SNF8: variants seen among roughly 807,000 people sequenced by gnomAD.
SNF8 encodes the protein SNF8 subunit of ESCRT-II.
In SNF8, 19 loss-of-function variants were observed where a neutral mutation model predicts 36.8. That is an observed-to-expected ratio of 0.52 (90% CI 0.36 to 0.76). The LOEUF (loss-of-function observed/expected upper bound fraction) is 0.76, where lower values mean the gene tolerates loss of function less well. SNF8 is among the 30% of genes least tolerant of loss of function. The pLI, the probability that SNF8 is intolerant of heterozygous loss-of-function variation, is 0.00. For synonymous variants in SNF8, 127 were observed against 127.4 expected (o/e 1.00, Z 0.02); for missense variants, 268 against 322.9 (o/e 0.83, Z 1.30).
intron 7 of SNF8, among the ~76,000 whole-genome samples, 179 bp from the exon 8 acceptor site, chr17:48,930,791 A>C (rs2040847553): frequency 6.6e-6 from 1 of 152,238 alleles, no homozygotes; most frequent in Admixed American, 6.5e-5. Context: ...CCTTTGCCTG[A>C]ATTTGAAAAA....
chr17:48,937,369 T>C (rs2040950496), intron 3 of SNF8: 10 of 601,606 alleles, frequency 1.7e-5, no homozygotes, highest in South Asian at 1.4e-4. Flanking sequence ...GGCTCACGCC[T>C]GTAATTCCAA....
At position 48,933,297 on chromosome 17, in the gene SNF8, A is replaced by G; in HGVS notation, c.472T>C (p.Phe158Leu). 1 of 1,614,220 alleles carries G rather than the reference A, an allele frequency of 6.2e-7. No individual in the cohort carries two copies. ...GTGCCGCCCACAGGGATGATGCCGA[A>G]GCCAGTGCCAAGTGCCTTTAGTTTC... ...IKKLKALGTGFGIIPVGGTYL... is the reference protein window; with the variant it reads ...IKKLKALGTGLGIIPVGGTYL... Residue 158 changes from phenylalanine to leucine, a missense_variant, in exon 6 of 8, where the codon TTC becomes CTC. Coordinates refer to ENST00000502492, the MANE Select transcript of SNF8 (RefSeq NM_007241.4).
intron 3 of SNF8, among the ~76,000 whole-genome samples, chr17:48,937,727 A>G (rs1207585656): frequency 6.6e-6 from 1 of 151,832 alleles, no homozygotes; most frequent in Non-Finnish European, 1.5e-5. Flanking sequence ...AGAGATAGAG[A>G]CCATCCTGGC....
At chr17:48,935,189 C>G (rs55917610) in intron 5 of SNF8, among the ~76,000 whole-genome samples, 84,510 of 151,702 alleles carry the variant, frequency 0.56, 25,488 homozygotes, top group East Asian at 0.79. Context: ...TGGCCAACAA[C>G]GTGAAACCCC....
chr17:48,933,389 G>C (rs761048994), intron 5 of SNF8, 43 bp from the exon 6 acceptor site: 1 of 1,611,216 alleles, frequency 6.2e-7, no homozygotes, highest in Non-Finnish European at 8.5e-7. Flanking sequence ...GGCAGAATCA[G>C]ACCTAACAAC....
At position 48,933,134 on chromosome 17, in the gene SNF8, C is replaced by T. The variant is rs563889094; in HGVS notation, c.564+71G>A. On this transcript the variant is annotated intron_variant, in intron 6 of 7. Transcript: ENST00000502492. ...AGACCTGCATAATGGGGAGCACGAG[C>T]TGAGAACTGCTCCAGACTTGCCTCA... The T allele has an allele frequency of 3.8e-5, 60 of 1,563,752 alleles. No homozygotes were observed. The African/African-American group carries it at 7.3e-4, about 19-fold the overall frequency.
intron 3 of SNF8, among the ~76,000 whole-genome samples, chr17:48,937,688 G>A (rs911965302): frequency 6.6e-6 from 1 of 151,618 alleles, no homozygotes; most frequent in Non-Finnish European, 1.5e-5. Flanking sequence ...AGCACTTTGG[G>A]AAGCCAAAGC....
At chr17:48,939,434 T>G (rs2040987439) in intron 3 of SNF8, among the ~76,000 whole-genome samples, 1 of 147,682 alleles carries the variant, frequency 6.8e-6, no homozygotes, top group Non-Finnish European at 1.5e-5. Context: ...ACCTCAATGC[T>G]AAAAAATAAT....
At chr17:48,937,943 A>AAAAT (rs59280369) in intron 3 of SNF8, among the ~76,000 whole-genome samples, 105,182 of 149,842 alleles carry the variant, frequency 0.7, 37,201 homozygotes, top group East Asian at 0.84. Context: ...TAAATAAATA[A>AAAAT]AAATAAATAA....
In SNF8 at chr17:48,940,797, C is replaced by G. The variant is rs185800723; in HGVS notation, c.244+127G>C. 540 of 1,114,674 alleles carry G rather than the reference C, an allele frequency of 4.8e-4. 1 individual carries two copies. Among genetic ancestry groups the G allele is most frequent in the Non-Finnish European group, 4.6e-4 (362 of 780,010 alleles). 69.0% of individuals were successfully genotyped at this position (1,114,674 alleles called of 1,614,324 possible). A position where few individuals can be genotyped will look rare whatever the true frequency, so the allele number is the denominator to read the frequency against. ...AGAGCAAAACTCCGTCTCAAAAAGACAGCATCCTCTGGGTCTTCCTGCAGG... is the reference window on the plus strand; with the variant it reads ...AGAGCAAAACTCCGTCTCAAAAAGAGAGCATCCTCTGGGTCTTCCTGCAGG... On this transcript the variant is annotated intron_variant, in intron 3 of 7. Transcript: ENST00000502492.
chr17:48,941,512 C>T (rs150636018), intron 2 of SNF8, among the ~76,000 whole-genome samples: 8 of 152,018 alleles, frequency 5.3e-5, no homozygotes, highest in South Asian at 2.1e-4. Flanking sequence ...CTTTACCCCC[C>T]CCAGCCGACA....
chr17:48,939,833 G>C (rs1473073706), intron 3 of SNF8, among the ~76,000 whole-genome samples: 1 of 151,772 alleles, frequency 6.6e-6, no homozygotes, highest in Non-Finnish European at 1.5e-5. Context: ...CCAGCACTCT[G>C]GAAGGCCAAG....
At chr17:48,944,446 T>C (rs1469690504) in intron 1 of SNF8, among the ~76,000 whole-genome samples, 4 of 152,236 alleles carry the variant, frequency 2.6e-5, no homozygotes, top group African/African-American at 9.6e-5. Context: ...AATCGACGAC[T>C]GTAGATTTGT....
chr17:48,931,550 G>C (rs983179488), intron 7 of SNF8, 93 bp downstream of exon 7: 4 of 1,043,406 alleles, frequency 3.8e-6, no homozygotes, highest in Non-Finnish European at 5.7e-6. Context: ...CAGAAGGCCA[G>C]CAAAGCAATG....
chr17:48,944,642 G>A (rs750698784), intron 1 of SNF8, 39 bp downstream of exon 1: 17 of 1,603,608 alleles, frequency 1.1e-5, no homozygotes, highest in Admixed American at 1.7e-5. Flanking sequence ...TCTCGCACGG[G>A]TCAGGGGCAG....
chr17:48,939,521 G>A (rs1462337848), intron 3 of SNF8, among the ~76,000 whole-genome samples: 6 of 148,908 alleles, frequency 4.0e-5, no homozygotes, highest in East Asian at 4.1e-4. Context: ...GTGCAGGGGC[G>A]CGACCTTGGC....
In SNF8 at chr17:48,930,476, C is replaced by T. The variant is rs1452983987; in HGVS notation, c.776G>A (p.Ter259=). The T allele has an allele frequency of 6.3e-7, 1 of 1,599,918 alleles. No homozygotes were observed. ...TGCTGTGTGCCCTTCCACATGCAGT[C>T]AGGGGAGGGCTTCTCTGGCCTCCTC... is the stretch of plus-strand genomic sequence containing the variant. ...TAEEAREALP[*] is the part of the protein sequence containing the mutation. The change falls in exon 8 of 8, where the codon TGA becomes TAA. Residue 259 remains the stop codon, a stop_retained_variant. Coordinates refer to ENST00000502492, the MANE Select transcript of SNF8 (RefSeq NM_007241.4).
chr17:48,930,734 G>T, intron 7 of SNF8, 122 bp from the exon 8 acceptor site: 2 of 1,034,508 alleles, frequency 1.9e-6, no homozygotes, highest in Non-Finnish European at 2.8e-6. Context: ...TCTACTAAGT[G>T]CCTTCAAACC....
In SNF8 at chr17:48,933,189, G is replaced by A. The variant is rs560173788; in HGVS notation, c.564+16C>T. 5.5e-5 allele frequency: 88 copies of A among 1,612,324 alleles called. No individual in the cohort carries two copies. The East Asian group carries it at 8.7e-4, about 16-fold the overall frequency. On this transcript the variant is annotated intron_variant, in intron 6 of 7. Transcript: ENST00000502492. ...CTGTCCCTTGCACACACACACACTC[G>A]AAGGTGCACCAGTACCTCTGCCAGC...
Sources: allele counts gnomAD v4.1 joint callset (sites outside exome capture counted in the v4.1 genomes callset), GRCh38; gene constraint gnomAD v4.1.1; transcripts MANE v1.5; gene names NCBI Gene and HGNC (gene_info 2026-07-23, HGNC 2026-07-21).